MCMDC2: variants seen among roughly 807,000 people sequenced by gnomAD.
MCMDC2 encodes minichromosome maintenance domain containing 2, also known as minichromosome maintenance domain-containing protein 2.
MCMDC2 carries 54 observed loss-of-function variants against 75.8 expected under a neutral mutation model. The observed-to-expected ratio is 0.71, with a 90% CI of 0.57 to 0.89. The LOEUF (loss-of-function observed/expected upper bound fraction) is 0.89, where lower values mean the gene tolerates loss of function less well. Ranked by LOEUF, MCMDC2 falls within the 40% of genes least tolerant of loss-of-function variation. MCMDC2 has a pLI of 0.00. For synonymous variants in MCMDC2, 249 were observed against 274.6 expected (o/e 0.91, Z 0.92); for missense variants, 656 against 780.4 (o/e 0.84, Z 1.90).
chr8:66,897,440 G>A (rs953818114), intron 12 of MCMDC2, among the ~76,000 whole-genome samples: 47 of 150,440 alleles, frequency 3.1e-4, no homozygotes, highest in African/African-American at 1.1e-3. Flanking sequence ...AAAAAAGAAA[G>A]AAATTATTTA....
At chr8:66,891,552 T>G (rs1447086320) in intron 10 of MCMDC2, among the ~76,000 whole-genome samples, 1 of 152,238 alleles carries the variant, frequency 6.6e-6, no homozygotes, top group Non-Finnish European at 1.5e-5. Context: ...TGTCAAATGC[T>G]TTGTCTGCCT....
intron 10 of MCMDC2, among the ~76,000 whole-genome samples, chr8:66,892,584 T>G (rs905982113): frequency 1.3e-5 from 2 of 151,640 alleles, no homozygotes; most frequent in Non-Finnish European, 2.9e-5. Flanking sequence ...GAGTCTGGGG[T>G]TTTTATGGGC....
intron 12 of MCMDC2, among the ~76,000 whole-genome samples, chr8:66,899,181 C>T (rs1219001280): frequency 6.6e-6 from 1 of 152,202 alleles, no homozygotes; most frequent in African/African-American, 2.4e-5. Context: ...TTTGAGAGGG[C>T]TTTTCTGTCA....
chr8:66,916,552 C>T (rs1004844572), intron 14 of MCMDC2, among the ~76,000 whole-genome samples: 2 of 152,048 alleles, frequency 1.3e-5, no homozygotes, highest in Non-Finnish European at 2.9e-5. Context: ...AGCCTTCGTG[C>T]CAGCACAAGA....
At chr8:66,903,393 A>G (rs1585898538) in intron 13 of MCMDC2, among the ~76,000 whole-genome samples, 1 of 152,112 alleles carries the variant, frequency 6.6e-6, no homozygotes, top group East Asian at 1.9e-4. Flanking sequence ...TTGTAACAAT[A>G]TATTTATTTA....
intron 12 of MCMDC2, among the ~76,000 whole-genome samples, chr8:66,899,461 C>T (rs997729607): frequency 6.6e-6 from 1 of 152,194 alleles, no homozygotes; most frequent in African/African-American, 2.4e-5. Flanking sequence ...CCAGGATATA[C>T]ATCCAATCCA....
chr8:66,891,576 C>G (rs1812110356), intron 10 of MCMDC2, among the ~76,000 whole-genome samples: 1 of 152,118 alleles, frequency 6.6e-6, no homozygotes, highest in Non-Finnish European at 1.5e-5. Flanking sequence ...TTAATATGAT[C>G]ATGTCACAGG....
intron 9 of MCMDC2, chr8:66,884,351 A>G: frequency 4.1e-6 from 1 of 246,306 alleles, no homozygotes; most frequent in Non-Finnish European, 7.7e-6. Flanking sequence ...TCAATATTCC[A>G]TCAATAATAT....
At chr8:66,900,694 A>G (rs1214259559) in intron 12 of MCMDC2, among the ~76,000 whole-genome samples, 1 of 152,212 alleles carries the variant, frequency 6.6e-6, no homozygotes. Flanking sequence ...AGTGATAATC[A>G]TGTGTTGCAG....
downstream of MCMDC2, among the ~76,000 whole-genome samples, chr8:66,923,184 G>C (rs552028990): frequency 6.6e-6 from 1 of 152,138 alleles, no homozygotes. Context: ...AAAAACTAAC[G>C]TGAAGACCTT....
intron 14 of MCMDC2, among the ~76,000 whole-genome samples, chr8:66,909,963 G>A (rs1813038882): frequency 6.6e-6 from 1 of 152,200 alleles, no homozygotes; most frequent in African/African-American, 2.4e-5. Flanking sequence ...GAAGTATCGG[G>A]ACTTGGTGCC....
chr8:66,904,024 T>C (rs1256318188), intron 13 of MCMDC2, among the ~76,000 whole-genome samples: 1 of 152,148 alleles, frequency 6.6e-6, no homozygotes, highest in African/African-American at 2.4e-5. Flanking sequence ...TGAAAAGATA[T>C]GAAAAGGATT....
chr8:66,900,100 A>C (rs1812579668), intron 12 of MCMDC2, among the ~76,000 whole-genome samples: 1 of 151,504 alleles, frequency 6.6e-6, no homozygotes, highest in Non-Finnish European at 1.5e-5. Flanking sequence ...GTGCCACGGC[A>C]CTCCAGCCTG....
chr8:66,883,103 A>G (rs1811671222), intron 8 of MCMDC2, among the ~76,000 whole-genome samples: 1 of 152,042 alleles, frequency 6.6e-6, no homozygotes, highest in South Asian at 2.1e-4. Context: ...CAGCTGTTCC[A>G]CCCAAATTAC....
chr8:66,894,794 A>G (rs1812266537), intron 10 of MCMDC2, among the ~76,000 whole-genome samples: 1 of 152,200 alleles, frequency 6.6e-6, no homozygotes, highest in Non-Finnish European at 1.5e-5. Flanking sequence ...GTGTACAGTT[A>G]AGTGCTTTTT....
chr8:66,893,438 AAG>A (rs1812204386), intron 10 of MCMDC2, among the ~76,000 whole-genome samples: 1 of 152,212 alleles, frequency 6.6e-6, no homozygotes, highest in South Asian at 2.1e-4. Flanking sequence ...TTACAAAAGA[AAG>A]AGGTTTATTA....
intron 14 of MCMDC2, among the ~76,000 whole-genome samples, chr8:66,909,550 G>A (rs1403305717): frequency 1.3e-5 from 2 of 152,184 alleles, no homozygotes; most frequent in South Asian, 2.1e-4. Flanking sequence ...GTGGAGATGA[G>A]GAAGTTGTTT....
At chr8:66,872,979 A>C (rs912677977) in intron 1 of MCMDC2, among the ~76,000 whole-genome samples, 3 of 150,338 alleles carry the variant, frequency 2.0e-5, no homozygotes, top group Non-Finnish European at 4.4e-5. Context: ...AAAAAAAAAA[A>C]CAACCTGGTA....
At chr8:66,907,869 CT>C (rs202183604) in intron 14 of MCMDC2, among the ~76,000 whole-genome samples, 2,785 of 151,776 alleles carry the variant, frequency 0.018, 88 homozygotes, top group African/African-American at 0.062. Context: ...GCATAAATGT[CT>C]TTTTTTTGAG....
Sources: gnomAD v4.1 joint callset for allele counts (sites outside exome capture counted in the v4.1 genomes callset) on GRCh38, gnomAD v4.1.1 for gene constraint, MANE v1.5 for transcripts, NCBI Gene and HGNC (gene_info 2026-07-23, HGNC 2026-07-21) for gene names.